Variants in GNG7 observed in about 807,000 individuals in gnomAD.
The protein encoded by GNG7 is guanine nucleotide-binding protein G(I)/G(S)/G(O) subunit gamma-7.
Under a neutral mutation model 4.0 loss-of-function variants are expected in GNG7, and 1 was observed. The ratio of observed to expected loss-of-function variants is 0.25; its 90% CI spans 0.09 to 1.18. GNG7 has a LOEUF of 1.18. GNG7 is among the 50% of genes most tolerant of loss of function. The pLI is 0.50. For missense variants in GNG7, 86 were observed against 91.9 expected (o/e 0.94, Z 0.26); for synonymous variants, 34 against 36.9 (o/e 0.92, Z 0.29).
At chr19:2,542,107 CTTTTTTTTT>C (rs1175526574) in intron 3 of GNG7, among the ~76,000 whole-genome samples, 1 of 64,566 alleles carries the variant, frequency 1.5e-5, no homozygotes, top group African/African-American at 6.7e-5. Flanking sequence ...GCTGTGTGTT[CTTTTTTTTT>C]TTTTTTTTTT....
intron 2 of GNG7, among the ~76,000 whole-genome samples, chr19:2,576,199 T>G (rs1362057765): frequency 6.6e-6 from 1 of 152,236 alleles, no homozygotes; most frequent in African/African-American, 2.4e-5. Context: ...GCTCCAAGAC[T>G]GAGTTTCCCA....
chr19:2,553,139 AAAAG>A (rs1979389796), intron 3 of GNG7, among the ~76,000 whole-genome samples: 1 of 151,444 alleles, frequency 6.6e-6, no homozygotes, highest in Non-Finnish European at 1.5e-5. Context: ...AAAAAAAAAA[AAAAG>A]AGGAAATAAG....
At chr19:2,531,598 C>A (rs573363493) in intron 3 of GNG7, among the ~76,000 whole-genome samples, 168 of 151,850 alleles carry the variant, frequency 1.1e-3, no homozygotes, top group African/African-American at 3.9e-3. Context: ...GGTGAAACCC[C>A]GTCTCTACTA....
At chr19:2,558,808 TA>T (rs531906104) in intron 2 of GNG7, among the ~76,000 whole-genome samples, 82 of 151,634 alleles carry the variant, frequency 5.4e-4, no homozygotes, top group Middle Eastern at 3.4e-3. Context: ...ATTTATTTAT[TA>T]TTTTTTTTGG....
Position 2,540,075 on chromosome 19 carries a change from T to C in GNG7, c.-38+15074A>G, listed in dbSNP as rs572811958. ...CTCCCTTCCTTCCCTCCTCCCTCCC[T>C]CTCTCTCTCTCTCTGTTTCTTTCTC... On this transcript the variant is annotated intron_variant, in intron 3 of 4. Transcript: ENST00000382159. Among the ~76,000 whole-genome samples the C allele has an allele frequency of 5.5e-3, 595 of 108,508 alleles. 3 individuals carry two copies. Among genetic ancestry groups the C allele is most frequent in the Non-Finnish European group, 8.6e-3 (484 of 56,554 alleles). The allele number at this position is 108,508 out of a possible 152,430, so 71.2% of individuals were successfully genotyped here.
Position 2,520,730 on chromosome 19 carries a change from G to T in GNG7, c.-37-5C>A. 2.5e-6 allele frequency: 3 copies of T among 1,217,396 alleles called. No individual in the cohort carries two copies. Among genetic ancestry groups the T allele is most frequent in the Non-Finnish European group, 3.6e-6 (3 of 843,668 alleles). 75.4% of individuals were successfully genotyped at this position (1,217,396 alleles called of 1,614,324 possible). Reference sequence around the variant, plus strand: ...TGGGCCCCGTTGTTCAGAGAGCTGTGGGGGAAGCAGAGGGGTGTGGGTCAA... The same window carrying T: ...TGGGCCCCGTTGTTCAGAGAGCTGTTGGGGAAGCAGAGGGGTGTGGGTCAA... On this transcript the variant is annotated splice_polypyrimidine_tract_variant and splice_region_variant and intron_variant, in intron 3 of 4. Transcript: ENST00000382159.
chr19:2,650,378 G>A (rs888584733), intron 1 of GNG7, among the ~76,000 whole-genome samples: 9 of 152,020 alleles, frequency 5.9e-5, no homozygotes, highest in African/African-American at 1.4e-4. Context: ...TAGTAGAGAC[G>A]GGGTTTCCTC....
intron 2 of GNG7, among the ~76,000 whole-genome samples, chr19:2,644,447 T>A (rs55869353): frequency 0.22 from 22,570 of 103,698 alleles, 2,059 homozygotes; most frequent in Middle Eastern, 0.32. Context: ...TGCACCCATT[T>A]AAAATGCATA....
rs1250581952 is a variant in GNG7 at position 2,633,487 on chromosome 19, G to GCGCGCGCACA, written c.-78+12736_-78+12737insTGTGCGCGCG. The stretch of plus-strand genomic sequence containing the variant: ...TAGCAACAGGCGCGCGCGCGCGCGC[G>GCGCGCGCACA]CACACACACACACACACACACACAC... On this transcript the variant is annotated intron_variant, in intron 2 of 4. Transcript: ENST00000382159. The surrounding 1 kb of genome is among the most constrained non-coding windows in gnomAD (Gnocchi z 5.9). 1.6e-4 allele frequency among the ~76,000 whole-genome samples: 17 copies of GCGCGCGCACA among 103,800 alleles called. No individual in the cohort carries two copies. The highest frequency in any genetic ancestry group is 6.3e-4 in the African/African-American group (16 of 25,522). 68.1% of individuals were successfully genotyped at this position (103,800 alleles called of 152,430 possible).
intron 2 of GNG7, among the ~76,000 whole-genome samples, chr19:2,629,214 G>A (rs550136569): frequency 6.6e-6 from 1 of 152,328 alleles, no homozygotes; most frequent in South Asian, 2.1e-4. Context: ...CTCTCTGAAG[G>A]TTGAGCAAAT....
intron 2 of GNG7, among the ~76,000 whole-genome samples, chr19:2,568,328 TAC>T (rs1226305716): frequency 1.4e-5 from 2 of 142,044 alleles, no homozygotes; most frequent in African/African-American, 2.7e-5. Context: ...CACACACATA[TAC>T]ACACATATAG....
intron 3 of GNG7, among the ~76,000 whole-genome samples, chr19:2,531,490 G>A (rs1031244245): frequency 1.3e-5 from 2 of 151,954 alleles, no homozygotes; most frequent in Non-Finnish European, 2.9e-5. Flanking sequence ...AAAATAATAC[G>A]ATCCCAGGCC....
rs1227006008 is a variant in GNG7, at chr19:2,618,637, C to A, written c.-78+27587G>T. ...GTGCTGGGATTACAGACGTGAGCCA[C>A]CGTGCCCAGCCTGTTCTATTTTTTT... On this transcript the variant is annotated intron_variant, in intron 2 of 4. Coordinates refer to ENST00000382159, the MANE Select transcript of GNG7 (RefSeq NM_052847.3). The surrounding 1 kb of genome is among the most constrained non-coding windows in gnomAD (Gnocchi z 5.1). Among the ~76,000 whole-genome samples, 1 of 151,898 alleles carries A rather than the reference C, an allele frequency of 6.6e-6. No homozygotes were observed. Among genetic ancestry groups the A allele is most frequent in the African/African-American group, 2.4e-5 (1 of 41,352 alleles).
rs927952809 is a variant in GNG7, at chr19:2,618,019, C to G, written c.-78+28205G>C. 3.3e-5 allele frequency among the ~76,000 whole-genome samples: 5 copies of G among 152,074 alleles called. No homozygotes were observed. Among genetic ancestry groups the G allele is most frequent in the Admixed American group, 6.6e-5 (1 of 15,266 alleles). On this transcript the variant is annotated intron_variant, in intron 2 of 4. Coordinates refer to ENST00000382159, the MANE Select transcript of GNG7 (RefSeq NM_052847.3). The surrounding 1 kb of genome is among the most constrained non-coding windows in gnomAD (Gnocchi z 5.1). The stretch of plus-strand genomic sequence containing the variant: ...ACAGGCGTGACTATTTCCTTATCTT[C>G]TAAGACCCTCTGTTTGGTTTGCCAG...
chr19:2,673,722 A>C (rs2040688285), intron 1 of GNG7, among the ~76,000 whole-genome samples: 1 of 151,914 alleles, frequency 6.6e-6, no homozygotes, highest in African/African-American at 2.4e-5. Flanking sequence ...GAAAGAAAGA[A>C]AGAAAAATAA....
chr19:2,638,572 A>G, intron 2 of GNG7, among the ~76,000 whole-genome samples: 4 of 131,786 alleles, frequency 3.0e-5, no homozygotes, highest in East Asian at 2.4e-4. Context: ...GGGGAAGGGA[A>G]GGGAGAAAGA....
At chr19:2,562,946 C>CA (rs1555694031) in intron 2 of GNG7, among the ~76,000 whole-genome samples, 1 of 150,038 alleles carries the variant, frequency 6.7e-6, no homozygotes, top group Non-Finnish European at 1.5e-5. Flanking sequence ...TTTTCTTTTT[C>CA]TTTTTTTTTG....
At chr19:2,681,318 G>C (rs1983729897) in intron 1 of GNG7, among the ~76,000 whole-genome samples, 2 of 152,068 alleles carry the variant, frequency 1.3e-5, no homozygotes, top group Admixed American at 1.3e-4. Context: ...CGAGTAGCTG[G>C]GACTACAGGC....
intron 1 of GNG7, among the ~76,000 whole-genome samples, chr19:2,701,454 T>C (rs1599468652): frequency 1.4e-5 from 1 of 73,830 alleles, no homozygotes; most frequent in Non-Finnish European, 2.6e-5. Context: ...ACTCACAAGC[T>C]CCCCATTTCC....
Sources: allele counts gnomAD v4.1 joint callset (sites outside exome capture counted in the v4.1 genomes callset), GRCh38; gene constraint gnomAD v4.1.1; non-coding constraint Gnocchi (gnomAD v3.1); transcripts MANE v1.5; gene names NCBI Gene and HGNC (gene_info 2026-07-23, HGNC 2026-07-21).